Variants in COL25A1 observed in about 807,000 individuals in gnomAD.
The protein encoded by COL25A1 is collagen alpha-1(XXV) chain.
In COL25A1, 103 loss-of-function variants were observed where a neutral mutation model predicts 128.4. That is an observed-to-expected ratio of 0.80 (90% CI 0.68 to 0.94). COL25A1 has a LOEUF of 0.94. Ranked by LOEUF, COL25A1 falls within the 40% of genes least tolerant of loss-of-function variation. COL25A1 has a pLI of 0.00. For synonymous variants in COL25A1, 279 were observed against 277.2 expected (o/e 1.01, Z -0.06); for missense variants, 745 against 840.0 (o/e 0.89, Z 1.40).
At chr4:109,222,900 T>C (rs1238255621) in intron 3 of COL25A1, among the ~76,000 whole-genome samples, 2 of 152,262 alleles carry the variant, frequency 1.3e-5, no homozygotes, top group African/African-American at 4.8e-5. Flanking sequence ...TTAGTTTTAT[T>C]AATTCTTAAA....
At chr4:109,225,505 G>A (rs943897593) in intron 3 of COL25A1, among the ~76,000 whole-genome samples, 1 of 152,136 alleles carries the variant, frequency 6.6e-6, no homozygotes, top group African/African-American at 2.4e-5. Context: ...CACTGTTGGT[G>A]GGAAAATTAG....
In COL25A1 at chr4:108,839,669, C is replaced by T. The variant is rs561776680; in HGVS notation, c.1656+2026G>A. Among the ~76,000 whole-genome samples, 102 of 152,278 alleles carry T rather than the reference C, an allele frequency of 6.7e-4. 1 individual carries two copies. The highest frequency in any genetic ancestry group is 2.2e-3 in the African/African-American group (92 of 41,572). ...AGCTGTGTAATTAGGGGCAAATAAC[C>T]TAAACTGTTTGGGCCTGAAGTTTAT... On this transcript the variant is annotated intron_variant, in intron 31 of 37. Transcript: ENST00000399132.
intron 3 of COL25A1, among the ~76,000 whole-genome samples, chr4:109,249,371 T>C (rs1780496752): frequency 6.6e-6 from 1 of 152,142 alleles, no homozygotes; most frequent in Non-Finnish European, 1.5e-5. Context: ...ATGTAGTTCT[T>C]TGCATAATTA....
At chr4:108,951,217 GA>G (rs1185919928) in intron 8 of COL25A1, among the ~76,000 whole-genome samples, 2 of 152,172 alleles carry the variant, frequency 1.3e-5, no homozygotes, top group Non-Finnish European at 2.9e-5. Flanking sequence ...GGAAAGCCAT[GA>G]AGGTTTTTAT....
At chr4:109,125,672 A>G (rs1448768776) in intron 3 of COL25A1, among the ~76,000 whole-genome samples, 5 of 152,166 alleles carry the variant, frequency 3.3e-5, no homozygotes, top group African/African-American at 1.2e-4. Flanking sequence ...TATTGTTGTA[A>G]TGGTGATCAA....
intron 3 of COL25A1, among the ~76,000 whole-genome samples, chr4:109,226,501 T>G (rs1778812155): frequency 6.6e-6 from 1 of 152,124 alleles, no homozygotes; most frequent in Non-Finnish European, 1.5e-5. Flanking sequence ...CAATCAAGGC[T>G]TATCTCTTAT....
rs534197431 is a variant in COL25A1, at chr4:108,958,254, T to C, written c.492+16113A>G. Among the ~76,000 whole-genome samples the C allele has an allele frequency of 2.6e-5, 4 of 152,226 alleles. No individual in the cohort carries two copies. In the South Asian group the frequency reaches 6.2e-4, roughly 24 times the overall value. ...AACAATTCATGATCTTGTTCCTCTT[T>C]GGTGCCTCAACAGGGCAATTTTGTT... On this transcript the variant is annotated intron_variant, in intron 8 of 37. Coordinates refer to ENST00000399132, the MANE Select transcript of COL25A1 (RefSeq NM_198721.4).
chr4:108,845,304 G>C (rs1230185289), intron 28 of COL25A1, 53 bp from the exon 29 acceptor site: 2 of 1,434,624 alleles, frequency 1.4e-6, no homozygotes, highest in Non-Finnish European at 2.0e-6. Context: ...TCCAGTGTAA[G>C]AGACAACTGA....
chr4:109,219,176 CT>C (rs1778251534), intron 3 of COL25A1, among the ~76,000 whole-genome samples: 1 of 152,110 alleles, frequency 6.6e-6, no homozygotes, highest in Non-Finnish European at 1.5e-5. Flanking sequence ...ATTTATTAAA[CT>C]ACCAAATCAC....
chr4:108,873,344 C>T (rs919260089), intron 19 of COL25A1, among the ~76,000 whole-genome samples: 1 of 152,124 alleles, frequency 6.6e-6, no homozygotes, highest in Non-Finnish European at 1.5e-5. Context: ...TAAAGGCTGA[C>T]TTTTCAAGCT....
intron 11 of COL25A1, among the ~76,000 whole-genome samples, chr4:108,931,191 A>G (rs1432778044): frequency 1.3e-5 from 2 of 152,220 alleles, no homozygotes; most frequent in Non-Finnish European, 2.9e-5. Context: ...TATTTACAGA[A>G]CATATATAAC....
intron 19 of COL25A1, among the ~76,000 whole-genome samples, chr4:108,878,928 C>T (rs907529208): frequency 1.8e-4 from 27 of 152,162 alleles, no homozygotes; most frequent in African/African-American, 5.8e-4. Flanking sequence ...CAATGTTATT[C>T]GTTTAACCGG....
chr4:108,917,732 G>C (rs1044252979), intron 13 of COL25A1, among the ~76,000 whole-genome samples: 2 of 152,202 alleles, frequency 1.3e-5, no homozygotes, highest in Non-Finnish European at 2.9e-5. Context: ...AGTGAAAAGA[G>C]CTACCTTCTG....
At chr4:109,226,377 A>G (rs1578489387) in intron 3 of COL25A1, among the ~76,000 whole-genome samples, 2 of 152,296 alleles carry the variant, frequency 1.3e-5, no homozygotes, top group East Asian at 3.9e-4. Flanking sequence ...TCTATTTTCT[A>G]AAAAGAAAAA....
intron 24 of COL25A1, among the ~76,000 whole-genome samples, chr4:108,854,368 A>C (rs1382798104): frequency 6.6e-6 from 1 of 152,162 alleles, no homozygotes; most frequent in Non-Finnish European, 1.5e-5. Flanking sequence ...ATTGACAAAC[A>C]GAATCTAATT....
chr4:108,827,597 G>A (rs1261962776), intron 32 of COL25A1, among the ~76,000 whole-genome samples: 1 of 152,108 alleles, frequency 6.6e-6, no homozygotes, highest in African/African-American at 2.4e-5. Context: ...CATGATCATG[G>A]CTCACTGAAA....
chr4:108,985,973 A>G (rs1753628996), intron 6 of COL25A1, among the ~76,000 whole-genome samples: 1 of 151,926 alleles, frequency 6.6e-6, no homozygotes. Context: ...TGACTTTCCT[A>G]TTTTTCCTAT....
At chr4:109,161,696 T>G (rs1260625941) in intron 3 of COL25A1, among the ~76,000 whole-genome samples, 1 of 152,218 alleles carries the variant, frequency 6.6e-6, no homozygotes, top group African/African-American at 2.4e-5. Context: ...ATATTGTATT[T>G]TCTTAAACAA....
At chr4:109,023,233 A>G (rs957466645) in intron 5 of COL25A1, among the ~76,000 whole-genome samples, 3 of 152,238 alleles carry the variant, frequency 2.0e-5, no homozygotes, top group African/African-American at 7.2e-5. Flanking sequence ...GGACCAAGGC[A>G]CAAGAGCTGT....
Sources: gnomAD v4.1 joint callset for allele counts (sites outside exome capture counted in the v4.1 genomes callset) on GRCh38, gnomAD v4.1.1 for gene constraint, MANE v1.5 for transcripts, NCBI Gene and HGNC (gene_info 2026-07-23, HGNC 2026-07-21) for gene names.